CCL18: variants seen among roughly 807,000 people sequenced by gnomAD.
CCL18 encodes C-C motif chemokine ligand 18, also known as C-C motif chemokine 18.
In CCL18, 7 loss-of-function variants were observed where a neutral mutation model predicts 8.0. The observed-to-expected ratio is 0.87, with a 90% confidence interval of 0.50 to 1.64. The LOEUF (loss-of-function observed/expected upper bound fraction) is 1.64. Among genes scored for constraint, CCL18 ranks in the 40% most tolerant of loss-of-function variants. CCL18 has a pLI of 0.00. For synonymous variants in CCL18, 35 were observed against 41.3 expected (o/e 0.85, Z 0.59); for missense variants, 95 against 107.8 (o/e 0.88, Z 0.52).
At chr17:36,066,233 G>A (rs1031092387) in intron 1 of CCL18, among the ~76,000 whole-genome samples, 8 of 152,178 alleles carry the variant, frequency 5.3e-5, no homozygotes, top group African/African-American at 1.9e-4. Context: ...TGTCTGTCCA[G>A]AGCATAGGGA....
intron 1 of CCL18, among the ~76,000 whole-genome samples, chr17:36,067,218 G>A (rs546068118): frequency 6.6e-6 from 1 of 152,144 alleles, no homozygotes; most frequent in African/African-American, 2.4e-5. Context: ...CATTGGGTTT[G>A]ACTCTGGGTA....
intron 1 of CCL18, among the ~76,000 whole-genome samples, chr17:36,068,951 C>T (rs570832717): frequency 6.6e-6 from 1 of 152,212 alleles, no homozygotes; most frequent in African/African-American, 2.4e-5. Context: ...GCTTGACTTT[C>T]CGGGCTGAAG....
chr17:36,069,418 A>G (rs1283292402), intron 1 of CCL18, among the ~76,000 whole-genome samples: 2 of 152,196 alleles, frequency 1.3e-5, no homozygotes, highest in Non-Finnish European at 2.9e-5. Flanking sequence ...GCACAGCATG[A>G]CACCAGTATC....
chr17:36,070,704 G>C (rs573959869), intron 2 of CCL18, 146 bp downstream of exon 2: 1 of 648,296 alleles, frequency 1.5e-6, no homozygotes, highest in African/African-American at 1.8e-5. Context: ...CCTGGCCTGG[G>C]GCCTGCAGAG....
At chr17:36,070,757 T>C (rs2142053668) in intron 2 of CCL18, among the ~76,000 whole-genome samples, 194 bp from the exon 3 acceptor site, 1 of 152,230 alleles carries the variant, frequency 6.6e-6, no homozygotes. Context: ...AGAGCAGACA[T>C]GACAACAGGA....
At chr17:36,065,288 TTTC>T (rs2066831215) in intron 1 of CCL18, among the ~76,000 whole-genome samples, 1 of 152,244 alleles carries the variant, frequency 6.6e-6, no homozygotes, top group Non-Finnish European at 1.5e-5. Flanking sequence ...TGCAATCACT[TTTC>T]TTCTGCCTAA....
intron 2 of CCL18, 46 bp downstream of exon 2, chr17:36,070,604 G>A (rs749081322): frequency 3.3e-6 from 4 of 1,225,772 alleles, no homozygotes; most frequent in Non-Finnish European, 4.8e-6. Flanking sequence ...GAGGATGGGA[G>A]GTTTGGGGTG....
chr17:36,066,032 C>T (rs1242728221), intron 1 of CCL18, among the ~76,000 whole-genome samples: 1 of 152,206 alleles, frequency 6.6e-6, no homozygotes. Context: ...GAGTTTGCAT[C>T]TTGTGAATGA....
At chr17:36,070,396 G>T in intron 1 of CCL18, 51 bp from the exon 2 acceptor site, 1 of 1,113,398 alleles carries the variant, frequency 9.0e-7, no homozygotes, top group South Asian at 1.2e-5. Flanking sequence ...AGGAGCAGCT[G>T]GCTTGCCTTG....
At chr17:36,066,383 G>C (rs1189449702) in intron 1 of CCL18, among the ~76,000 whole-genome samples, 3 of 152,284 alleles carry the variant, frequency 2.0e-5, no homozygotes, top group African/African-American at 7.2e-5. Context: ...AGGAGTGTAG[G>C]CAATGCCAAA....
intron 1 of CCL18, among the ~76,000 whole-genome samples, chr17:36,065,903 G>C (rs947405444): frequency 6.6e-6 from 1 of 152,188 alleles, no homozygotes; most frequent in Non-Finnish European, 1.5e-5. Flanking sequence ...ACTTCATTCA[G>C]TCTACAGAGA....
At chr17:36,066,665 G>A (rs1404021612) in intron 1 of CCL18, among the ~76,000 whole-genome samples, 2 of 152,230 alleles carry the variant, frequency 1.3e-5, no homozygotes, top group African/African-American at 2.4e-5. Flanking sequence ...TGAGATGTTA[G>A]TGTTGAAGTC....
intron 1 of CCL18, among the ~76,000 whole-genome samples, chr17:36,066,338 C>T (rs1370613918): frequency 6.6e-6 from 1 of 152,128 alleles, no homozygotes; most frequent in Admixed American, 6.5e-5. Context: ...AGATGGAGGG[C>T]ACCAAAGAAG....
At position 36,071,025 on chromosome 17, in the gene CCL18, T is replaced by G. The variant is rs1247730529; in HGVS notation, c.254T>G (p.Leu85Arg). 6.2e-7 allele frequency: 1 copy of G among 1,612,106 alleles called. No individual in the cohort carries two copies. Among genetic ancestry groups the G allele is most frequent in the Non-Finnish European group, 8.5e-7 (1 of 1,178,178 alleles). The part of the protein sequence containing the change: ...KKWVQKYISD[L>R]KLNA ...TGGGTCCAGAAATACATCAGCGACC[T>G]GAAGCTGAATGCCTGAGGGGCCTGG... Residue 85 changes from leucine (L) to arginine (R), a missense_variant, in exon 3 of 3, where the codon CTG becomes CGG. By Grantham distance (102) the Leu-to-Arg change is moderately radical. Coordinates refer to ENST00000616054, the MANE Select transcript of CCL18 (RefSeq NM_002988.4).
chr17:36,067,170 G>A (rs1457877048), intron 1 of CCL18, among the ~76,000 whole-genome samples: 1 of 152,200 alleles, frequency 6.6e-6, no homozygotes, highest in Non-Finnish European at 1.5e-5. Flanking sequence ...ACTGCTGTTT[G>A]ATTCATTGAA....
intron 1 of CCL18, among the ~76,000 whole-genome samples, chr17:36,065,668 T>C (rs62079697): frequency 0.092 from 14,038 of 152,118 alleles, 820 homozygotes; most frequent in Admixed American, 0.2. Context: ...ACCAAGTAAA[T>C]TTCTTCCACT....
Position 36,064,397 on chromosome 17 carries a change from T to C in CCL18, c.55T>C (p.Ser19Pro). ...LVLVCTMALC[S>P]CAQVGTNKEL... ...CCTCGTCTGCACCATGGCCCTCTGC[T>C]CCTGTGCACAAGGTGAGTCTGTCAT... Residue 19 changes from serine to proline, a missense_variant, in exon 1 of 3, where the codon TCC becomes CCC. Transcript: ENST00000616054. 1 of 1,613,628 alleles carries C rather than the reference T, an allele frequency of 6.2e-7. No individual in the cohort carries two copies. Among genetic ancestry groups the C allele is most frequent in the Non-Finnish European group, 8.5e-7 (1 of 1,179,604 alleles).
At chr17:36,064,480 G>A in intron 1 of CCL18, 71 bp downstream of exon 1, 1 of 1,196,988 alleles carries the variant, frequency 8.4e-7, no homozygotes, top group African/African-American at 1.5e-5. Context: ...AAGTGCTGTG[G>A]CCTGAAAACC....
intron 1 of CCL18, among the ~76,000 whole-genome samples, chr17:36,068,893 T>C (rs1018479721): frequency 1.3e-5 from 2 of 152,162 alleles, no homozygotes; most frequent in African/African-American, 4.8e-5. Flanking sequence ...AAAGTCTTAC[T>C]CTGTTGCCCA....
Sources: gnomAD v4.1 joint callset for allele counts (sites outside exome capture counted in the v4.1 genomes callset) on GRCh38, gnomAD v4.1.1 for gene constraint, MANE v1.5 for transcripts, NCBI Gene and HGNC (gene_info 2026-07-23, HGNC 2026-07-21) for gene names.